The following KIRREL3 variants were observed in gnomAD, a reference collection of about 807,000 sequenced individuals.
KIRREL3 encodes the protein kin of IRRE-like protein 3.
In KIRREL3, 36 loss-of-function variants were observed where a neutral mutation model predicts 89.7. The observed-to-expected ratio is 0.40, with a 90% CI of 0.31 to 0.53. The LOEUF is 0.53. Ranked by LOEUF, KIRREL3 falls within the 20% of genes least tolerant of loss-of-function variation. The probability of loss-of-function intolerance (pLI) is 0.49; values close to 1 mark genes in which losing one functional copy is unlikely to be tolerated. For missense variants in KIRREL3, 864 were observed against 1,056.6 expected (o/e 0.82, Z 2.53); for synonymous variants, 445 against 441.4 (o/e 1.01, Z -0.10).
intron 1 of KIRREL3, among the ~76,000 whole-genome samples, chr11:126,801,410 C>T (rs1452552815): frequency 6.6e-6 from 1 of 152,066 alleles, no homozygotes; most frequent in East Asian, 1.9e-4. Flanking sequence ...ATGAGGTAGC[C>T]CCTGAATACA....
Position 126,566,023 on chromosome 11 carries a change from A to G in KIRREL3, c.56-3111T>C, listed in dbSNP as rs1940494981. ...GAGATGAATGGGAGAGTCAGATCAC[A>G]GATGCACATTTTGGAACAGTAAGAT... On this transcript the variant is annotated intron_variant, in intron 1 of 16. Transcript: ENST00000525144. The surrounding 1 kb of genome is among the most constrained non-coding windows in gnomAD (Gnocchi z 4.9). Among the ~76,000 whole-genome samples the G allele has an allele frequency of 6.6e-6, 1 of 152,244 alleles. No individual in the cohort carries two copies. Among genetic ancestry groups the G allele is most frequent in the Admixed American group, 6.5e-5 (1 of 15,284 alleles).
chr11:126,785,175 G>A (rs1950449885), intron 1 of KIRREL3, among the ~76,000 whole-genome samples: 1 of 152,146 alleles, frequency 6.6e-6, no homozygotes, highest in Non-Finnish European at 1.5e-5. Context: ...GGAAAGGAGA[G>A]GGATTCCTCC....
At position 126,703,387 on chromosome 11, in the gene KIRREL3, T is replaced by C. The variant is rs1316625249; in HGVS notation, c.56-140475A>G. On this transcript the variant is annotated intron_variant, in intron 1 of 16. Transcript: ENST00000525144. The surrounding 1 kb of genome is among the most constrained non-coding windows in gnomAD (Gnocchi z 4.6). ...AACAGAATCATCGTCTTCATCACCA[T>C]CAGCAGGAGCAGTGACTTTACCAAT... Among the ~76,000 whole-genome samples the C allele has an allele frequency of 6.6e-6, 1 of 152,260 alleles. No homozygotes were observed. The highest frequency in any genetic ancestry group is 1.5e-5 in the Non-Finnish European group (1 of 68,046).
intron 1 of KIRREL3, among the ~76,000 whole-genome samples, chr11:126,941,697 C>G (rs1387910715): frequency 6.6e-6 from 1 of 152,198 alleles, no homozygotes; most frequent in Non-Finnish European, 1.5e-5. Flanking sequence ...GTACAAAATA[C>G]TTGCAACTCT....
chr11:126,463,028 A>G lies in KIRREL3; in HGVS notation c.742+129T>C, dbSNP rs1956597303. 2 of 819,202 alleles carry G rather than the reference A, an allele frequency of 2.4e-6. No individual in the cohort carries two copies. Among genetic ancestry groups the G allele is most frequent in the Non-Finnish European group, 3.9e-6 (2 of 515,932 alleles). The allele number at this position is 819,202 out of a possible 1,614,324, so 50.7% of individuals were successfully genotyped here. On this transcript the variant is annotated intron_variant, in intron 6 of 16. Transcript: ENST00000525144. The surrounding 1 kb of genome is among the most constrained non-coding windows in gnomAD (Gnocchi z 5.9). ...GATGGTCCTTCCTGTCCGTATCTACAAGCTGGCCAATCCACAGAGCTGCCT... is the reference window on the plus strand; with the variant it reads ...GATGGTCCTTCCTGTCCGTATCTACGAGCTGGCCAATCCACAGAGCTGCCT...
In KIRREL3 at chr11:126,577,148, G is replaced by A. The variant is rs561745095; in HGVS notation, c.56-14236C>T. On this transcript the variant is annotated intron_variant, in intron 1 of 16. Coordinates refer to ENST00000525144, the MANE Select transcript of KIRREL3 (RefSeq NM_032531.4). ...GCTCAGCAAAATGTTTGTCTTAGCC[G>A]CGTTTCCTATCGACCCGGTGTGTGG... is the stretch of plus-strand genomic sequence containing the variant. 6.6e-5 allele frequency among the ~76,000 whole-genome samples: 10 copies of A among 152,262 alleles called. No individual in the cohort carries two copies. The South Asian group carries it at 1.2e-3, about 19-fold the overall frequency.
chr11:126,526,870 C>T lies in KIRREL3; in HGVS notation c.134-183G>A, dbSNP rs1339561552. On this transcript the variant is annotated intron_variant, in intron 2 of 16. Coordinates refer to ENST00000525144, the MANE Select transcript of KIRREL3 (RefSeq NM_032531.4). The surrounding 1 kb of genome is among the most constrained non-coding windows in gnomAD (Gnocchi z 5.7). ...GTCTCAGCCCCAGCTCTATTCCCTC[C>T]TATGGGGGCCTGGCTCCCAGCTCCA... Among the ~76,000 whole-genome samples the T allele has an allele frequency of 1.3e-5, 2 of 152,186 alleles. No homozygotes were observed. The highest frequency in any genetic ancestry group is 4.8e-5 in the African/African-American group (2 of 41,442).
rs1845651139 is a variant in KIRREL3 at position 126,636,913 on chromosome 11, G to T, written c.56-74001C>A. Among the ~76,000 whole-genome samples, 1 of 152,198 alleles carries T rather than the reference G, an allele frequency of 6.6e-6. No homozygotes were observed. The highest frequency in any genetic ancestry group is 1.5e-5 in the Non-Finnish European group (1 of 68,034). ...CAATGAAAGTAACACCTATATCATG[G>T]CATTACTGGAAGATAAAAAGAGATG... On this transcript the variant is annotated intron_variant, in intron 1 of 16. Coordinates refer to ENST00000525144, the MANE Select transcript of KIRREL3 (RefSeq NM_032531.4). The surrounding 1 kb of genome is among the most constrained non-coding windows in gnomAD (Gnocchi z 4.4).
intron 1 of KIRREL3, among the ~76,000 whole-genome samples, chr11:126,972,606 T>G (rs2135219008): frequency 6.6e-6 from 1 of 152,284 alleles, no homozygotes; most frequent in African/African-American, 2.4e-5. Context: ...TCTGGGATAT[T>G]ATTTAGGCCA....
At chr11:126,714,193 C>T (rs1250967795) in intron 1 of KIRREL3, among the ~76,000 whole-genome samples, 4 of 152,180 alleles carry the variant, frequency 2.6e-5, no homozygotes, top group Non-Finnish European at 5.9e-5. Context: ...ACCTGCCTTA[C>T]ACAGTTCTGG....
At chr11:126,648,352 C>T (rs966869393) in intron 1 of KIRREL3, among the ~76,000 whole-genome samples, 44 of 152,210 alleles carry the variant, frequency 2.9e-4, no homozygotes, top group African/African-American at 9.9e-4. Context: ...CAGGCATGCT[C>T]CTGCCTCAGG....
At position 126,745,071 on chromosome 11, in the gene KIRREL3, A is replaced by G. The variant is rs114637013; in HGVS notation, c.56-182159T>C. The stretch of plus-strand genomic sequence containing the variant: ...TGGTCACCACTGGGCACCTCCTTCC[A>G]CGCCAGGTATCACCTCCCTGTGGCC... On this transcript the variant is annotated intron_variant, in intron 1 of 16. Transcript: ENST00000525144. Among the ~76,000 whole-genome samples the G allele has an allele frequency of 6.6e-3, 1,007 of 152,236 alleles. 10 individuals are homozygous for G. Among genetic ancestry groups the G allele is most frequent in the African/African-American group, 0.023 (945 of 41,528 alleles).
In KIRREL3 at chr11:126,635,384, A is replaced by C. The variant is rs1944223144; in HGVS notation, c.56-72472T>G. Among the ~76,000 whole-genome samples the C allele has an allele frequency of 6.6e-6, 1 of 152,222 alleles. No homozygotes were observed. Among genetic ancestry groups the C allele is most frequent in the African/African-American group, 2.4e-5 (1 of 41,454 alleles). ...TATACAGAGGTTAGACCTCAGGGTTATGTTATGGATTGGAGGGAGCAGAGA... is the reference window on the plus strand; with the variant it reads ...TATACAGAGGTTAGACCTCAGGGTTCTGTTATGGATTGGAGGGAGCAGAGA... On this transcript the variant is annotated intron_variant, in intron 1 of 16. Coordinates refer to ENST00000525144, the MANE Select transcript of KIRREL3 (RefSeq NM_032531.4). This position sits in a 1 kb window ranked among gnomAD's most constrained non-coding sequence, Gnocchi z 4.0.
At chr11:126,800,593 TCTCTC>T (rs1951000768) in intron 1 of KIRREL3, among the ~76,000 whole-genome samples, 1 of 152,166 alleles carries the variant, frequency 6.6e-6, no homozygotes. Context: ...CAAATATCCT[TCTCTC>T]CTCCCTTTTC....
chr11:126,445,237 G>T, intron 9 of KIRREL3, 132 bp from the exon 10 acceptor site: 1 of 1,229,754 alleles, frequency 8.1e-7, no homozygotes. Flanking sequence ...GAAGCAAGGT[G>T]GGGAGGAAAG....
intron 6 of KIRREL3, among the ~76,000 whole-genome samples, chr11:126,458,281 A>G (rs1956437631): frequency 6.6e-6 from 1 of 152,188 alleles, no homozygotes; most frequent in African/African-American, 2.4e-5. Context: ...AGTTTCTCAG[A>G]GGCAATGAGG....
Position 126,763,292 on chromosome 11 carries a change from C to T in KIRREL3, c.56-200380G>A, listed in dbSNP as rs145083668. On this transcript the variant is annotated intron_variant, in intron 1 of 16. Coordinates refer to ENST00000525144, the MANE Select transcript of KIRREL3 (RefSeq NM_032531.4). The surrounding 1 kb of genome is among the most constrained non-coding windows in gnomAD (Gnocchi z 4.7). The stretch of plus-strand genomic sequence containing the variant: ...GTGATGTGACAATTCCATGACCAGC[C>T]TCATGGCTGAGGTGCCACTTTCGAT... Among the ~76,000 whole-genome samples, 86 of 152,350 alleles carry T rather than the reference C, an allele frequency of 5.6e-4. No homozygotes were observed. In the East Asian group the frequency reaches 0.015, roughly 27 times the overall value.
At chr11:126,725,689 C>T (rs908462240) in intron 1 of KIRREL3, among the ~76,000 whole-genome samples, 1 of 152,200 alleles carries the variant, frequency 6.6e-6, no homozygotes, top group South Asian at 2.1e-4. Context: ...TGAGCCCGCT[C>T]TGCCCTCGCT....
rs1033225950 is a variant in KIRREL3, at chr11:126,579,100, G to A, written c.56-16188C>T. Among the ~76,000 whole-genome samples the A allele has an allele frequency of 6.6e-6, 1 of 152,040 alleles. No homozygotes were observed. Among genetic ancestry groups the A allele is most frequent in the Non-Finnish European group, 1.5e-5 (1 of 67,984 alleles). ...GAAGCCATGGCCAAGAAAGGTCTTT[G>A]CACCAGAGCTCACCAATGTCTCGGA... On this transcript the variant is annotated intron_variant, in intron 1 of 16. Coordinates refer to ENST00000525144, the MANE Select transcript of KIRREL3 (RefSeq NM_032531.4). The surrounding 1 kb of genome is among the most constrained non-coding windows in gnomAD (Gnocchi z 5.3).
Sources: gnomAD v4.1 joint callset for allele counts (sites outside exome capture counted in the v4.1 genomes callset) on GRCh38, gnomAD v4.1.1 for gene constraint, Gnocchi (gnomAD v3.1) non-coding constraint, MANE v1.5 for transcripts, NCBI Gene and HGNC (gene_info 2026-07-23, HGNC 2026-07-21) for gene names.